Variants in NPL observed in about 807,000 individuals in gnomAD.
The protein encoded by NPL is N-acetylneuraminate pyruvate lyase.
In NPL, 32 loss-of-function variants were observed where a neutral mutation model predicts 41.1. The observed-to-expected ratio is 0.78, with a 90% CI of 0.59 to 1.05. The LOEUF is 1.05. Ranked by LOEUF, NPL falls within the 50% of genes least tolerant of loss-of-function variation. The probability of loss-of-function intolerance (pLI) is 0.00; values close to 1 mark genes in which losing one functional copy is unlikely to be tolerated. For missense variants in NPL, 321 were observed against 378.4 expected (o/e 0.85, Z 1.26); for synonymous variants, 128 against 134.9 (o/e 0.95, Z 0.35).
intron 3 of NPL, among the ~76,000 whole-genome samples, chr1:182,797,360 C>G (rs1311036527): frequency 6.6e-6 from 1 of 152,176 alleles, no homozygotes; most frequent in African/African-American, 2.4e-5. Flanking sequence ...TAGAAATGCA[C>G]AAGCTCGGGC....
At chr1:182,819,077 T>G (rs1416738497) in intron 10 of NPL, among the ~76,000 whole-genome samples, 1 of 152,210 alleles carries the variant, frequency 6.6e-6, no homozygotes, top group East Asian at 1.9e-4. Flanking sequence ...CCCAGCACTT[T>G]GGGAGGCCAA....
chr1:182,812,211 C>G lies in NPL; in HGVS notation c.286C>G (p.Leu96Val), dbSNP rs1044481655. ...ACTGAGCTTGAAGGAGTCACAGGAA[C>G]TGGTATGTATGCAGTTCCATCTGGG... ...GALSLKESQELAQHAAEIGAD... is the reference protein window; with the variant it reads ...GALSLKESQEVAQHAAEIGAD... Residue 96 changes from leucine to valine, a missense_variant and splice_region_variant, in exon 6 of 13, where the codon CTG becomes GTG. Coordinates refer to ENST00000367553, the MANE Select transcript of NPL (RefSeq NM_030769.3). 6.2e-7 allele frequency: 1 copy of G among 1,613,428 alleles called. No individual in the cohort carries two copies. The highest frequency in any genetic ancestry group is 8.5e-7 in the Non-Finnish European group (1 of 1,179,388).
chr1:182,798,615 A>C (rs745922358), intron 3 of NPL, among the ~76,000 whole-genome samples: 4 of 152,218 alleles, frequency 2.6e-5, no homozygotes, highest in Non-Finnish European at 5.9e-5. Flanking sequence ...TTTCAGATCT[A>C]AAATGTCGAG....
At chr1:182,817,313 A>C (rs546449925) in intron 8 of NPL, among the ~76,000 whole-genome samples, 1 of 152,210 alleles carries the variant, frequency 6.6e-6, no homozygotes, top group South Asian at 2.1e-4. Flanking sequence ...TAAATTCCAT[A>C]AGAGGAAAAA....
intron 3 of NPL, among the ~76,000 whole-genome samples, chr1:182,803,388 C>T (rs150727628): frequency 2.0e-5 from 3 of 152,274 alleles, no homozygotes; most frequent in East Asian, 3.9e-4. Flanking sequence ...AAAGAGAGAG[C>T]GTTGGGCAAA....
At chr1:182,806,437 A>G in intron 5 of NPL, 1 of 1,537,242 alleles carries the variant, frequency 6.5e-7, no homozygotes, top group Non-Finnish European at 8.7e-7. Context: ...CCAAACTGCT[A>G]GACACACCTG....
intron 3 of NPL, among the ~76,000 whole-genome samples, chr1:182,801,375 TG>T (rs1223322238): frequency 2.6e-5 from 4 of 152,130 alleles, no homozygotes; most frequent in Non-Finnish European, 5.9e-5. Flanking sequence ...CAGCAAGGCC[TG>T]AGGGAGAGAG....
chr1:182,794,486 AAAAGG>A (rs1321992323), intron 3 of NPL, 47 bp downstream of exon 3: 1 of 1,568,716 alleles, frequency 6.4e-7, no homozygotes, highest in Non-Finnish European at 8.8e-7. Context: ...CATTCAACCA[AAAAGG>A]AGAGAAGTTC....
At chr1:182,808,789 T>TATAAAAA (rs1383698092) in intron 5 of NPL, among the ~76,000 whole-genome samples, 1 of 151,876 alleles carries the variant, frequency 6.6e-6, no homozygotes, top group East Asian at 1.9e-4. Flanking sequence ...ACCCTGTCTC[T>TATAAAAA]ATAAAAAATA....
chr1:182,811,207 A>G (rs1227172854), intron 5 of NPL, among the ~76,000 whole-genome samples: 7 of 152,078 alleles, frequency 4.6e-5, no homozygotes, highest in Admixed American at 1.3e-4. Flanking sequence ...ATTTCTTTCC[A>G]TTAGAATTTA....
chr1:182,826,025 T>TAA, intron 12 of NPL: 1 of 626,150 alleles, frequency 1.6e-6, no homozygotes, highest in Non-Finnish European at 2.9e-6. Context: ...CCTTCTCCAT[T>TAA]TTAGCACATG....
intron 1 of NPL, among the ~76,000 whole-genome samples, chr1:182,790,991 A>G (rs1666498325): frequency 6.6e-6 from 1 of 152,152 alleles, no homozygotes; most frequent in Non-Finnish European, 1.5e-5. Flanking sequence ...AAAGTTTGCA[A>G]AGGCAGCAAA....
intron 6 of NPL, among the ~76,000 whole-genome samples, chr1:182,813,753 CTT>C (rs1667245121): frequency 6.6e-6 from 1 of 152,192 alleles, no homozygotes; most frequent in Non-Finnish European, 1.5e-5. Flanking sequence ...AGCCATAACT[CTT>C]TATTGGATGA....
chr1:182,794,463 G>A, intron 3 of NPL, 24 bp downstream of exon 3: 4 of 1,610,580 alleles, frequency 2.5e-6, no homozygotes, highest in Non-Finnish European at 3.4e-6. Context: ...GGGGCCTTGA[G>A]GGGATCAGTT....
intron 5 of NPL, among the ~76,000 whole-genome samples, chr1:182,811,049 A>T (rs900449188): frequency 1.3e-5 from 2 of 151,144 alleles, no homozygotes; most frequent in East Asian, 1.9e-4. Flanking sequence ...GATTTTTTTT[A>T]AATTTACATT....
chr1:182,802,636 T>C (rs182049876), intron 3 of NPL, among the ~76,000 whole-genome samples: 46 of 152,346 alleles, frequency 3.0e-4, no homozygotes, highest in Non-Finnish European at 5.7e-4. Context: ...AGTGTAACCA[T>C]TTAATGCAGG....
chr1:182,802,237 C>T (rs1666867859), intron 3 of NPL, among the ~76,000 whole-genome samples: 1 of 152,194 alleles, frequency 6.6e-6, no homozygotes, highest in African/African-American at 2.4e-5. Context: ...TGAGGGAGTT[C>T]GCTCCCCTTA....
chr1:182,822,218 T>C lies in NPL; in HGVS notation c.738+19T>C. On this transcript the variant is annotated intron_variant, in intron 11 of 12. Transcript: ENST00000367553. Reference sequence around the variant, plus strand: ...CTATCAGGTAAACGTTTTCTTCTCTTCCCATAAATCACAGCCTTTTTTCTT... The same window carrying C: ...CTATCAGGTAAACGTTTTCTTCTCTCCCCATAAATCACAGCCTTTTTTCTT... The C allele has an allele frequency of 6.6e-7, 1 of 1,521,098 alleles. No individual in the cohort carries two copies. The highest frequency in any genetic ancestry group is 9.1e-7 in the Non-Finnish European group (1 of 1,095,178). The allele number at this position is 1,521,098 out of a possible 1,614,324, so 94.2% of individuals were successfully genotyped here. A position where few individuals can be genotyped will look rare whatever the true frequency, so the allele number is the denominator to read the frequency against.
intron 5 of NPL, among the ~76,000 whole-genome samples, chr1:182,807,890 C>CAA (rs61314915): frequency 0.075 from 4,211 of 56,154 alleles, 176 homozygotes; most frequent in African/African-American, 0.13. Flanking sequence ...GACTCCATCT[C>CAA]AAAAAAAAAA....
Sources: gnomAD v4.1 joint callset for allele counts (sites outside exome capture counted in the v4.1 genomes callset) on GRCh38, gnomAD v4.1.1 for gene constraint, MANE v1.5 for transcripts, NCBI Gene and HGNC (gene_info 2026-07-23, HGNC 2026-07-21) for gene names.